PARD3B: variants seen among roughly 807,000 people sequenced by gnomAD.
The protein encoded by PARD3B is par-3 family cell polarity regulator beta, also known as partitioning defective 3 homolog B.
PARD3B carries 103 observed loss-of-function variants against 130.2 expected under a neutral mutation model. The observed-to-expected ratio is 0.79, with a 90% CI of 0.67 to 0.93. The LOEUF (loss-of-function observed/expected upper bound fraction) is 0.93. PARD3B is among the 40% of genes least tolerant of loss of function. PARD3B has a pLI of 0.00. For missense variants in PARD3B, 1,609 were observed against 1,499.2 expected (o/e 1.07, Z -1.21); for synonymous variants, 583 against 553.2 (o/e 1.05, Z -0.76).
At chr2:205,367,360 G>C (rs1304245954) in intron 18 of PARD3B, among the ~76,000 whole-genome samples, 1 of 152,112 alleles carries the variant, frequency 6.6e-6, no homozygotes, top group Non-Finnish European at 1.5e-5. Flanking sequence ...TCTTAAGTGA[G>C]GGAAAGGGAG....
rs527946200 is a variant in PARD3B, at chr2:205,079,417, C to T, written c.505-25009C>T. On this transcript the variant is annotated intron_variant, in intron 4 of 22. Transcript: ENST00000406610. ...CAGATTTGGTGTCTGGTAAGGGATTCTCTCTGTTTTCAGTATGGCACCCTG... is the reference window on the plus strand; with the variant it reads ...CAGATTTGGTGTCTGGTAAGGGATTTTCTCTGTTTTCAGTATGGCACCCTG... Among the ~76,000 whole-genome samples, 36 of 152,292 alleles carry T rather than the reference C, an allele frequency of 2.4e-4. No homozygotes were observed. In the South Asian group the frequency reaches 7.5e-3, roughly 32 times the overall value.
At chr2:205,024,827 C>A (rs999826854) in intron 3 of PARD3B, among the ~76,000 whole-genome samples, 1 of 152,176 alleles carries the variant, frequency 6.6e-6, no homozygotes, top group Non-Finnish European at 1.5e-5. Context: ...ATGTGGTTTT[C>A]TCTGGTTGTG....
intron 11 of PARD3B, among the ~76,000 whole-genome samples, chr2:205,159,974 C>A (rs1203476743): frequency 6.6e-6 from 1 of 152,160 alleles, no homozygotes; most frequent in African/African-American, 2.4e-5. Context: ...AATGTCTATC[C>A]TCTCCCACAG....
chr2:205,307,936 A>G (rs1325854906), intron 18 of PARD3B, among the ~76,000 whole-genome samples: 2 of 152,172 alleles, frequency 1.3e-5, no homozygotes, highest in African/African-American at 4.8e-5. Context: ...TACAACTTTT[A>G]TAAAATTTGA....
chr2:205,582,266 A>G (rs2054016027), intron 22 of PARD3B, among the ~76,000 whole-genome samples: 1 of 152,186 alleles, frequency 6.6e-6, no homozygotes, highest in African/African-American at 2.4e-5. Flanking sequence ...CTCTACAGTT[A>G]ATAGACTCTG....
intron 21 of PARD3B, among the ~76,000 whole-genome samples, chr2:205,521,752 T>A (rs183559462): frequency 6.6e-6 from 1 of 152,124 alleles, no homozygotes; most frequent in Non-Finnish European, 1.5e-5. Flanking sequence ...ACGTTTGTTT[T>A]TTTGTTTGTT....
intron 4 of PARD3B, among the ~76,000 whole-genome samples, chr2:205,071,261 T>C (rs1314457151): frequency 6.6e-6 from 1 of 152,168 alleles, no homozygotes; most frequent in Non-Finnish European, 1.5e-5. Flanking sequence ...TTCCTTCCTT[T>C]ATGGAACAGC....
At chr2:204,806,967 G>C (rs956097877) in intron 2 of PARD3B, among the ~76,000 whole-genome samples, 2 of 152,116 alleles carry the variant, frequency 1.3e-5, no homozygotes, top group African/African-American at 4.8e-5. Context: ...TAAAGAAAAA[G>C]AGGTTCAATG....
rs1247850197 is a variant in PARD3B at position 204,686,139 on chromosome 2, A to T, written c.121-42A>T. On this transcript the variant is annotated intron_variant, in intron 1 of 22. Coordinates refer to ENST00000406610, the MANE Select transcript of PARD3B (RefSeq NM_001302769.2). ...AACATTAAAATGTGTTTAACTTTTT[A>T]ACATAGATTAGGTCATTAAACTTGT... 4 of 1,347,898 alleles carry T rather than the reference A, an allele frequency of 3.0e-6. No homozygotes were observed. The African/African-American group carries it at 4.3e-5, about 15-fold the overall frequency. 83.5% of individuals were successfully genotyped at this position (1,347,898 alleles called of 1,614,324 possible).
chr2:205,329,247 G>A (rs944582468), intron 18 of PARD3B, among the ~76,000 whole-genome samples: 4 of 152,070 alleles, frequency 2.6e-5, no homozygotes, highest in Non-Finnish European at 5.9e-5. Context: ...CTTACAGAGA[G>A]CAAAGACTAC....
chr2:204,851,059 G>A (rs1181712587), intron 2 of PARD3B, among the ~76,000 whole-genome samples: 1 of 152,114 alleles, frequency 6.6e-6, no homozygotes, highest in Non-Finnish European at 1.5e-5. Context: ...CTCAGGTCAG[G>A]AAAACTTGAA....
intron 3 of PARD3B, among the ~76,000 whole-genome samples, chr2:205,034,600 AC>A (rs1697667225): frequency 6.6e-6 from 1 of 152,174 alleles, no homozygotes; most frequent in Non-Finnish European, 1.5e-5. Context: ...CTAAAAAGAT[AC>A]AAAAACAGAT....
At chr2:205,561,929 C>T (rs2053151803) in intron 22 of PARD3B, among the ~76,000 whole-genome samples, 1 of 152,194 alleles carries the variant, frequency 6.6e-6, no homozygotes, top group African/African-American at 2.4e-5. Flanking sequence ...CTAGTCTCTA[C>T]TTCCCCTTCC....
At chr2:205,111,716 C>T (rs1703659572) in intron 5 of PARD3B, among the ~76,000 whole-genome samples, 1 of 152,024 alleles carries the variant, frequency 6.6e-6, no homozygotes, top group Non-Finnish European at 1.5e-5. Flanking sequence ...CATGTGGATA[C>T]TTGATACATT....
At chr2:205,389,590 C>T (rs576062636) in intron 18 of PARD3B, among the ~76,000 whole-genome samples, 4 of 152,138 alleles carry the variant, frequency 2.6e-5, no homozygotes, top group East Asian at 3.9e-4. Flanking sequence ...CTTGAACTCC[C>T]GCCTCGGCCT....
At chr2:205,415,107 A>G (rs2046730030) in intron 19 of PARD3B, among the ~76,000 whole-genome samples, 1 of 152,180 alleles carries the variant, frequency 6.6e-6, no homozygotes, top group Admixed American at 6.5e-5. Flanking sequence ...TGCATATTGA[A>G]AAAATCTGCA....
intron 18 of PARD3B, among the ~76,000 whole-genome samples, chr2:205,398,667 A>C (rs1371005455): frequency 6.6e-6 from 1 of 152,230 alleles, no homozygotes; most frequent in East Asian, 1.9e-4. Flanking sequence ...ACCATGGCAC[A>C]ATTATGAATA....
intron 4 of PARD3B, among the ~76,000 whole-genome samples, chr2:205,071,806 A>G (rs1004170934): frequency 2.0e-4 from 30 of 152,188 alleles, no homozygotes; most frequent in African/African-American, 7.2e-4. Flanking sequence ...TCCTAAACAT[A>G]ACTGCCACTT....
At chr2:205,546,453 T>TA (rs1166133483) in intron 21 of PARD3B, among the ~76,000 whole-genome samples, 5 of 152,020 alleles carry the variant, frequency 3.3e-5, no homozygotes, top group Non-Finnish European at 5.9e-5. Flanking sequence ...TAAAGGGATT[T>TA]AAAAAAAATT....
Sources: gnomAD v4.1 joint callset for allele counts (sites outside exome capture counted in the v4.1 genomes callset) on GRCh38, gnomAD v4.1.1 for gene constraint, MANE v1.5 for transcripts, NCBI Gene and HGNC (gene_info 2026-07-23, HGNC 2026-07-21) for gene names.